Variants in SLC24A2 observed in about 807,000 individuals in gnomAD.
SLC24A2 encodes the protein sodium/potassium/calcium exchanger 2.
SLC24A2 carries 36 observed loss-of-function variants against 62.0 expected under a neutral mutation model. That is an observed-to-expected ratio of 0.58 (90% CI 0.44 to 0.77). SLC24A2 has a LOEUF of 0.77. Among genes scored for constraint, SLC24A2 ranks in the 30% least tolerant of loss-of-function variants. The pLI is 0.00. For missense variants in SLC24A2, 846 were observed against 817.9 expected (o/e 1.03, Z -0.42); for synonymous variants, 358 against 294.0 (o/e 1.22, Z -2.23).
the SLC24A2 span, among the ~76,000 whole-genome samples, chr9:20,037,652 C>T: frequency 2.0e-5 from 3 of 152,092 alleles, no homozygotes; most frequent in Admixed American, 6.5e-5. Context: ...ACAAGTCAGG[C>T]GCTTATGATT....
chr9:20,306,906 T>A, the SLC24A2 span, among the ~76,000 whole-genome samples: 1 of 151,858 alleles, frequency 6.6e-6, no homozygotes, highest in South Asian at 2.1e-4. Flanking sequence ...CCATGTTGGC[T>A]AGGCTGGTCT....
chr9:20,259,185 G>C, the SLC24A2 span, among the ~76,000 whole-genome samples: 1 of 152,148 alleles, frequency 6.6e-6, no homozygotes, highest in Non-Finnish European at 1.5e-5. Context: ...GAGCCTCCAG[G>C]AAAAATTGAC....
rs1175019068 is a variant in SLC24A2 at position 19,509,295 on chromosome 9, C to A, written c.*6858G>T. 5 of 152,074 alleles carry A rather than the reference C, an allele frequency of 3.3e-5. No homozygotes were observed. The highest frequency in any genetic ancestry group is 6.5e-5 in the Admixed American group (1 of 15,268). 9.4% of individuals were successfully genotyped at this position (152,074 alleles called of 1,614,324 possible). A position where few individuals can be genotyped will look rare whatever the true frequency, so the allele number is the denominator to read the frequency against. The stretch of plus-strand genomic sequence containing the variant: ...ACTGCTTTTGTGAAATGAATAATTT[C>A]TTTGATTTTCAAACAGTTTTATTAA... On this transcript the variant is annotated 3_prime_UTR_variant, in exon 11 of 11. Coordinates refer to ENST00000341998, the MANE Select transcript of SLC24A2 (RefSeq NM_020344.4).
chr9:19,725,570 AT>A (rs1000563174), intron 2 of SLC24A2, among the ~76,000 whole-genome samples: 1 of 152,074 alleles, frequency 6.6e-6, no homozygotes, highest in Non-Finnish European at 1.5e-5. Context: ...ACAGCACAGC[AT>A]TTTTTTACAG....
At chr9:20,215,742 C>T in the SLC24A2 span, among the ~76,000 whole-genome samples, 1 of 152,182 alleles carries the variant, frequency 6.6e-6, no homozygotes, top group Non-Finnish European at 1.5e-5. Context: ...TCCTCTGACC[C>T]TTTTTGGTAA....
chr9:19,556,679 T>C lies in SLC24A2; in HGVS notation c.1348-6411A>G, dbSNP rs144331281. The stretch of plus-strand genomic sequence containing the variant: ...CACTTAGGAGTGCTACCTCTTATCA[T>C]TGGGAAGCCTGTTCAGTGTGGAATG... On this transcript the variant is annotated intron_variant, in intron 7 of 10. Coordinates refer to ENST00000341998, the MANE Select transcript of SLC24A2 (RefSeq NM_020344.4). Among the ~76,000 whole-genome samples the C allele has an allele frequency of 4.1e-3, 631 of 152,284 alleles. 3 individuals are homozygous for C. Among genetic ancestry groups the C allele is most frequent in the Non-Finnish European group, 6.5e-3 (441 of 68,014 alleles).
the SLC24A2 span, among the ~76,000 whole-genome samples, chr9:19,831,618 C>T: frequency 1.2e-3 from 188 of 152,244 alleles, 1 homozygote; most frequent in Non-Finnish European, 2.4e-3. Flanking sequence ...ATTTCCCCAA[C>T]AGAATTTTTA....
At chr9:20,262,946 C>T in the SLC24A2 span, among the ~76,000 whole-genome samples, 15 of 152,226 alleles carry the variant, frequency 9.9e-5, no homozygotes, top group Admixed American at 4.6e-4. Flanking sequence ...CTTCCCAATG[C>T]TTGGCAGAGC....
the SLC24A2 span, among the ~76,000 whole-genome samples, chr9:19,993,837 C>A: frequency 6.6e-6 from 1 of 152,200 alleles, no homozygotes; most frequent in Non-Finnish European, 1.5e-5. Context: ...CCTTGAACTT[C>A]ATGCTAGTGA....
chr9:20,218,703 C>T, the SLC24A2 span, among the ~76,000 whole-genome samples: 2 of 152,070 alleles, frequency 1.3e-5, no homozygotes, highest in African/African-American at 4.8e-5. Flanking sequence ...AGAAGGGTGC[C>T]CATATCTTTT....
chr9:19,911,156 G>C, the SLC24A2 span, among the ~76,000 whole-genome samples: 2 of 146,242 alleles, frequency 1.4e-5, no homozygotes, highest in Non-Finnish European at 3.0e-5. Context: ...CTATGAGTGA[G>C]AACATGCGGT....
At chr9:20,260,802 C>T in the SLC24A2 span, among the ~76,000 whole-genome samples, 1 of 151,090 alleles carries the variant, frequency 6.6e-6, no homozygotes, top group Non-Finnish European at 1.5e-5. Flanking sequence ...TCCTCACCAC[C>T]CCTCACCCTT....
chr9:19,901,918 A>T, the SLC24A2 span, among the ~76,000 whole-genome samples: 1 of 152,158 alleles, frequency 6.6e-6, no homozygotes, highest in African/African-American at 2.4e-5. Flanking sequence ...AGTGAATTGA[A>T]TGTGACTGAG....
intron 2 of SLC24A2, among the ~76,000 whole-genome samples, chr9:19,649,816 G>A (rs1263627819): frequency 6.6e-6 from 1 of 152,190 alleles, no homozygotes; most frequent in African/African-American, 2.4e-5. Context: ...GGTTATCTTG[G>A]ATCTAACTCC....
At chr9:19,598,870 C>T (rs1037618109) in intron 4 of SLC24A2, among the ~76,000 whole-genome samples, 1 of 152,120 alleles carries the variant, frequency 6.6e-6, no homozygotes, top group African/African-American at 2.4e-5. Flanking sequence ...AGTAGATTAA[C>T]AAATCACATC....
chr9:20,003,037 A>G, the SLC24A2 span, among the ~76,000 whole-genome samples: 1 of 152,212 alleles, frequency 6.6e-6, no homozygotes, highest in African/African-American at 2.4e-5. Context: ...ACTAGGCCCC[A>G]TAAATGATAA....
chr9:20,048,610 G>T, the SLC24A2 span, among the ~76,000 whole-genome samples: 1 of 152,056 alleles, frequency 6.6e-6, no homozygotes, highest in Non-Finnish European at 1.5e-5. Flanking sequence ...TTCAAAACAG[G>T]GAAGTGAAAA....
intron 2 of SLC24A2, among the ~76,000 whole-genome samples, chr9:19,667,765 C>A (rs779129767): frequency 1.5e-4 from 23 of 152,212 alleles, no homozygotes; most frequent in Non-Finnish European, 2.9e-4. Context: ...CCCCAGCCTG[C>A]ACTTGGTATT....
chr9:20,034,576 G>A, the SLC24A2 span, among the ~76,000 whole-genome samples: 8 of 146,240 alleles, frequency 5.5e-5, no homozygotes, highest in African/African-American at 5.1e-5. Context: ...ACTCCATTCT[G>A]CTGCCTCAGC....
Sources: gnomAD v4.1 joint callset for allele counts (sites outside exome capture counted in the v4.1 genomes callset) on GRCh38, gnomAD v4.1.1 for gene constraint, MANE v1.5 for transcripts, NCBI Gene and HGNC (gene_info 2026-07-23, HGNC 2026-07-21) for gene names.